ZSCAN4: variants seen among roughly 807,000 people sequenced by gnomAD.
ZSCAN4 encodes the protein zinc finger and SCAN domain-containing protein 4.
A neutral mutation model predicts 18.3 loss-of-function variants in ZSCAN4; 18 were observed. The observed-to-expected ratio is 0.98, with a 90% confidence interval of 0.68 to 1.46. ZSCAN4 has a LOEUF of 1.46. Ranked by LOEUF, ZSCAN4 falls within the 40% of genes most tolerant of loss-of-function variation. ZSCAN4 has a pLI of 0.00. For synonymous variants in ZSCAN4, 193 were observed against 180.3 expected (o/e 1.07, Z -0.57); for missense variants, 498 against 511.4 (o/e 0.97, Z 0.25).
At chr19:57,673,216 T>G (rs1228087628) in intron 2 of ZSCAN4, among the ~76,000 whole-genome samples, 1 of 152,008 alleles carries the variant, frequency 6.6e-6, no homozygotes, top group Non-Finnish European at 1.5e-5. Flanking sequence ...AGCCAGCTAA[T>G]TTTTGTATTT....
chr19:57,663,249 C>T, the ZSCAN4 span, among the ~76,000 whole-genome samples: 1 of 142,530 alleles, frequency 7.0e-6, no homozygotes, highest in Admixed American at 7.0e-5. Flanking sequence ...AAGCTAAGAC[C>T]TGAGGCAAAA....
upstream of ZSCAN4, chr19:57,664,239 A>C (rs1252849328): frequency 6.7e-6 from 1 of 149,976 alleles, no homozygotes; most frequent in Non-Finnish European, 1.5e-5. Context: ...ATTCCTGGGC[A>C]GATGAAAGTG....
chr19:57,663,520 TAAAAAA>T, the ZSCAN4 span, among the ~76,000 whole-genome samples: 2 of 66,548 alleles, frequency 3.0e-5, no homozygotes, highest in African/African-American at 6.4e-5. Flanking sequence ...ACCATGTCTC[TAAAAAA>T]AAAAAAAAAA....
chr19:57,654,512 A>C, the ZSCAN4 span, among the ~76,000 whole-genome samples: 5 of 152,136 alleles, frequency 3.3e-5, no homozygotes, highest in African/African-American at 4.8e-5. Context: ...CAGAGACCTC[A>C]AACTCATTCG....
exon 5 of ZSCAN4, chr19:57,678,922 T>G (rs1407510364): frequency 6.4e-7 from 1 of 1,562,128 alleles, no homozygotes; most frequent in African/African-American, 1.4e-5. Context: ...GGTCTGATAA[T>G]GTGTATAAAT....
At chr19:57,661,991 G>A in the ZSCAN4 span, among the ~76,000 whole-genome samples, 1 of 150,582 alleles carries the variant, frequency 6.6e-6, no homozygotes, top group African/African-American at 2.4e-5. Flanking sequence ...TGAGGCAGGG[G>A]AATCACTTGA....
chr19:57,662,915 A>G, the ZSCAN4 span, among the ~76,000 whole-genome samples: 3 of 148,276 alleles, frequency 2.0e-5, no homozygotes, highest in African/African-American at 7.5e-5. Context: ...ACAGGCTGTC[A>G]TTTGTCACCC....
chr19:57,659,863 G>A, the ZSCAN4 span, among the ~76,000 whole-genome samples: 1 of 152,044 alleles, frequency 6.6e-6, no homozygotes, highest in Non-Finnish European at 1.5e-5. Flanking sequence ...TTCCTACATA[G>A]GGTGCTCCTC....
intron 3 of ZSCAN4, among the ~76,000 whole-genome samples, chr19:57,677,286 TGCA>T (rs766826779): frequency 6.6e-6 from 1 of 152,238 alleles, no homozygotes; most frequent in South Asian, 2.1e-4. Flanking sequence ...TTCAGATATG[TGCA>T]GGTGGTAAAA....
the ZSCAN4 span, among the ~76,000 whole-genome samples, chr19:57,660,291 G>A: frequency 6.6e-6 from 1 of 152,154 alleles, no homozygotes; most frequent in Non-Finnish European, 1.5e-5. Context: ...GACACACATA[G>A]CATCCTGTCT....
At chr19:57,656,177 C>G in the ZSCAN4 span, among the ~76,000 whole-genome samples, 1 of 152,222 alleles carries the variant, frequency 6.6e-6, no homozygotes, top group East Asian at 1.9e-4. Context: ...CCACCATTAT[C>G]CATTGCAATG....
the ZSCAN4 span, among the ~76,000 whole-genome samples, chr19:57,659,741 G>A: frequency 4.6e-5 from 7 of 151,990 alleles, no homozygotes; most frequent in African/African-American, 1.2e-4. Flanking sequence ...CCTTCAAAGC[G>A]GCCAGGAATC....
the ZSCAN4 span, among the ~76,000 whole-genome samples, chr19:57,656,385 C>T: frequency 0.15 from 23,373 of 152,174 alleles, 3,139 homozygotes; most frequent in African/African-American, 0.36. Flanking sequence ...CAAACTCATC[C>T]TGCCCAAATC....
chr19:57,660,727 A>G, the ZSCAN4 span, among the ~76,000 whole-genome samples: 1 of 152,156 alleles, frequency 6.6e-6, no homozygotes, highest in Admixed American at 6.5e-5. Flanking sequence ...CTATCCTCAA[A>G]GTTTCTGAAT....
Position 57,675,305 on chromosome 19 carries a change from GC to G in ZSCAN4, c.-105-734del, listed in dbSNP as rs563893535. On this transcript the variant is annotated intron_variant, in intron 2 of 4. Transcript: ENST00000318203. ...TAGGACTACAGGTGCATGCCATCAT[GC>G]CTGGCTGATTTTTGTATTTTTAGTA... Among the ~76,000 whole-genome samples the G allele has an allele frequency of 1.2e-4, 18 of 152,028 alleles. No homozygotes were observed. The East Asian group carries it at 3.3e-3, about 28-fold the overall frequency.
At chr19:57,666,943 TACTG>T (rs1008999024), upstream of ZSCAN4, among the ~76,000 whole-genome samples, 41 of 152,296 alleles carry the variant, frequency 2.7e-4, no homozygotes, top group African/African-American at 8.4e-4. Flanking sequence ...GTTTCCTACA[TACTG>T]AGGCGGATTG....
At chr19:57,669,347 C>G (rs80029401) in intron 1 of ZSCAN4, 144 bp downstream of exon 1, 25,657 of 150,492 alleles carry the variant, frequency 0.17, 2,234 homozygotes, top group East Asian at 0.26. Context: ...GCGCGAGCCA[C>G]CACACCCAGC....
chr19:57,653,669 T>C, the ZSCAN4 span, among the ~76,000 whole-genome samples: 1 of 152,172 alleles, frequency 6.6e-6, no homozygotes, highest in Non-Finnish European at 1.5e-5. Flanking sequence ...GGTACTAGGC[T>C]AAATACCAGG....
chr19:57,668,011 C>T (rs1466957220), upstream of ZSCAN4, among the ~76,000 whole-genome samples: 1 of 152,030 alleles, frequency 6.6e-6, no homozygotes, highest in East Asian at 1.9e-4. Context: ...AAGTGATTCT[C>T]CTGCCTCAGG....
Sources: gnomAD v4.1 joint callset for allele counts (sites outside exome capture counted in the v4.1 genomes callset) on GRCh38, gnomAD v4.1.1 for gene constraint, MANE v1.5 for transcripts, NCBI Gene and HGNC (gene_info 2026-07-23, HGNC 2026-07-21) for gene names.